Variants in UBB observed in about 807,000 individuals in gnomAD.
UBB encodes ubiquitin B, also known as polyubiquitin-B.
In UBB, 11 loss-of-function variants were observed where a neutral mutation model predicts 12.5. The observed-to-expected ratio is 0.88, with a 90% CI of 0.55 to 1.45. The LOEUF (loss-of-function observed/expected upper bound fraction) is 1.45. Among genes scored for constraint, UBB ranks in the 40% most tolerant of loss-of-function variants. UBB has a pLI of 0.00. For missense variants in UBB, 76 were observed against 286.9 expected (o/e 0.26, Z 5.31); for synonymous variants, 168 against 120.1 (o/e 1.40, Z -2.61).
chr17:16,381,058 G>T (rs1282143245), upstream of UBB: 7 of 153,546 alleles, frequency 4.6e-5, no homozygotes, highest in African/African-American at 1.7e-4. Flanking sequence ...CGCAACACTC[G>T]TTGCATAAAT....
intron 1 of UBB, 153 bp downstream of exon 1, chr17:16,381,337 C>CA: frequency 6.0e-6 from 1 of 167,088 alleles, no homozygotes; most frequent in Admixed American, 5.7e-5. Flanking sequence ...CTTTCCGGGA[C>CA]AGTGGGCCTT....
In UBB at chr17:16,381,314, C is replaced by A. The variant is rs901017663; in HGVS notation, c.-7+130C>A. ...CGTGGGGGAGGGGAGGGCGAGGTGA[C>A]GCGGCGCTGGGCCTTTCCGGGACAG... On this transcript the variant is annotated intron_variant, in intron 1 of 1. Transcript: ENST00000302182. 25 of 158,350 alleles carry A rather than the reference C, an allele frequency of 1.6e-4. 1 individual carries two copies. Among genetic ancestry groups the A allele is most frequent in the Admixed American group, 1.3e-3 (22 of 16,846 alleles). 9.8% of individuals were successfully genotyped at this position (158,350 alleles called of 1,614,324 possible). A position where few individuals can be genotyped will look rare whatever the true frequency, so the allele number is the denominator to read the frequency against.
upstream of UBB, chr17:16,381,084 C>G (rs746987195): frequency 2.6e-5 from 4 of 153,322 alleles, no homozygotes; most frequent in Non-Finnish European, 5.9e-5. Flanking sequence ...CTCCGCCAGC[C>G]CGGAGCATTT....
chr17:16,381,762 A>T, intron 1 of UBB, 140 bp from the exon 2 acceptor site: 1 of 1,159,744 alleles, frequency 8.6e-7, no homozygotes, highest in Non-Finnish European at 1.2e-6. Flanking sequence ...AGCCTTGTAA[A>T]ATTGAGGGGA....
At chr17:16,381,799 G>A (rs1600927097) in intron 1 of UBB, 103 bp from the exon 2 acceptor site, 1 of 1,380,970 alleles carries the variant, frequency 7.2e-7, no homozygotes, top group Non-Finnish European at 9.8e-7. Flanking sequence ...ACGTATTTAA[G>A]GCATTTTGAA....
Position 16,382,018 on chromosome 17 carries a change from C to G in UBB, c.111C>G (p.Pro37=), listed in dbSNP as rs16962981. The G allele has an allele frequency of 5.0e-6, 8 of 1,584,508 alleles. No homozygotes were observed. In the Admixed American group the frequency reaches 5.3e-5, roughly 10 times the overall value. The change falls in exon 2 of 2, where the codon CCC becomes CCG. Residue 37 remains proline, a synonymous_variant. Transcript: ENST00000302182. ...KAKIQDKEGI[P]PDQQRLIFAG... ...AGATCCAGGATAAGGAAGGCATTCC[C>G]CCCGACCAGCAGAGGCTCATCTTTG...
Position 16,382,561 on chromosome 17 carries a change from C to A in UBB, c.654C>A (p.Thr218=). 1 of 1,613,966 alleles carries A rather than the reference C, an allele frequency of 6.2e-7. No individual in the cohort carries two copies. The highest frequency in any genetic ancestry group is 8.5e-7 in the Non-Finnish European group (1 of 1,179,882). The change falls in exon 2 of 2, where the codon ACC becomes ACA. Residue 218 remains threonine (T), a synonymous_variant. Transcript: ENST00000302182. The part of the protein sequence containing the change: ...LSDYNIQKES[T]LHLVLRLRGG... ...ACTACAACATCCAGAAAGAGTCGAC[C>A]CTGCACCTGGTCCTGCGCCTGAGGG...
At position 16,382,387 on chromosome 17, in the gene UBB, G is replaced by A. The variant is rs754394364; in HGVS notation, c.480G>A (p.Leu160=). The A allele has an allele frequency of 9.3e-6, 15 of 1,606,306 alleles. No homozygotes were observed. In the Middle Eastern group the frequency reaches 6.7e-4, roughly 71 times the overall value. Residue 160 remains leucine (L), a synonymous_variant, in exon 2 of 2, where the codon CTG becomes CTA. Coordinates refer to ENST00000302182, the MANE Select transcript of UBB (RefSeq NM_018955.4). ...RGGMQIFVKT[L]TGKTITLEVE... is the part of the protein sequence containing the mutation. ...GTATGCAGATCTTCGTGAAGACCCT[G>A]ACCGGCAAGACCATCACTCTGGAGG...
At position 16,382,273 on chromosome 17, in the gene UBB, A is replaced by T. The variant is rs1374511611; in HGVS notation, c.366A>T (p.Ala122=). Residue 122 remains alanine (A), a synonymous_variant, in exon 2 of 2, where the codon GCA becomes GCT. Transcript: ENST00000302182. Reference sequence around the variant, plus strand: ...CCGACCAGCAGAGGCTCATCTTTGCAGGCAAGCAGCTGGAAGATGGCCGCA... The same window carrying T: ...CCGACCAGCAGAGGCTCATCTTTGCTGGCAAGCAGCTGGAAGATGGCCGCA... ...IPPDQQRLIF[A]GKQLEDGRTL... The T allele has an allele frequency of 6.2e-7, 1 of 1,609,418 alleles. No homozygotes were observed. Among genetic ancestry groups the T allele is most frequent in the African/African-American group, 1.4e-5 (1 of 72,982 alleles).
rs1206884842 is a variant in UBB, at chr17:16,382,481, C to T, written c.574C>T (p.Gln192Ter). The T allele has an allele frequency of 1.9e-6, 3 of 1,613,118 alleles. No homozygotes were observed. The highest frequency in any genetic ancestry group is 2.5e-6 in the Non-Finnish European group (3 of 1,179,798). ...IQDKEGIPPD[Q>*]QRLIFAGKQL... is the part of the protein sequence containing the mutation. Reference sequence around the variant, plus strand: ...AGATAAAGAAGGCATCCCCCCCGACCAGCAGAGGCTCATCTTTGCAGGCAA... The same window carrying T: ...AGATAAAGAAGGCATCCCCCCCGACTAGCAGAGGCTCATCTTTGCAGGCAA... The change falls in exon 2 of 2, where the codon CAG (glutamine) becomes TAG (stop). Residue 192 changes from glutamine to a stop codon, truncating the protein, a stop_gained. Transcript: ENST00000302182. LOFTEE classifies it high-confidence loss of function.
Position 16,381,165 on chromosome 17 carries a change from A to C in UBB, c.-26A>C, listed in dbSNP as rs1487869507. The C allele has an allele frequency of 2.0e-5, 3 of 148,138 alleles. No individual in the cohort carries two copies. The highest frequency in any genetic ancestry group is 6.8e-5 in the Admixed American group (1 of 14,768). The allele number at this position is 148,138 out of a possible 1,614,324, so 9.2% of individuals were successfully genotyped here. A position where few individuals can be genotyped will look rare whatever the true frequency, so the allele number is the denominator to read the frequency against. ...GTGGACGTGGTTGGTGATTGGCAGG[A>C]TCCTGGTATCCGCTAACAGGTACTG... On this transcript the variant is annotated 5_prime_UTR_variant, in exon 1 of 2. Coordinates refer to ENST00000302182, the MANE Select transcript of UBB (RefSeq NM_018955.4).
At chr17:16,381,615 A>T (rs1459116144) in intron 1 of UBB, 1 of 472,256 alleles carries the variant, frequency 2.1e-6, no homozygotes, top group East Asian at 4.1e-5. Flanking sequence ...TTTGAGGCAG[A>T]TTGGAGTTCG....
chr17:16,380,904 A>G (rs537068019), upstream of UBB: 7 of 153,836 alleles, frequency 4.6e-5, no homozygotes, highest in Admixed American at 3.9e-4. Context: ...GGAGAAGGGA[A>G]ATAATTTTTT....
In UBB at chr17:16,382,636, T is replaced by G. The variant is rs770110826; in HGVS notation, c.*39T>G. 6 of 1,610,742 alleles carry G rather than the reference T, an allele frequency of 3.7e-6. No individual in the cohort carries two copies. Among genetic ancestry groups the G allele is most frequent in the Non-Finnish European group, 8.5e-7 (1 of 1,178,334 alleles). On this transcript the variant is annotated 3_prime_UTR_variant, in exon 2 of 2. Transcript: ENST00000302182. ...GCATTCGCAGTGCCCAGTGATGGCA[T>G]TACTCTGCACTATAGCCATTTGCCC...
chr17:16,381,672 G>A (rs989606222), intron 1 of UBB: 2 of 615,390 alleles, frequency 3.2e-6, no homozygotes, highest in Non-Finnish European at 5.5e-6. Context: ...GAAAGCTGTG[G>A]ACGCTTGGTA....
chr17:16,381,120 G>C lies in UBB; in HGVS notation c.-71G>C, dbSNP rs544668972. On this transcript the variant is annotated 5_prime_UTR_variant, in exon 1 of 2. Transcript: ENST00000302182. ...AGGGGCGGTTGGCTTTGTTGGGTGAGCTTGTTTGTGTCCCTGTGGGTGGAC... is the reference window on the plus strand; with the variant it reads ...AGGGGCGGTTGGCTTTGTTGGGTGACCTTGTTTGTGTCCCTGTGGGTGGAC... 6.6e-6 allele frequency: 1 copy of C among 152,422 alleles called. No individual in the cohort carries two copies. The highest frequency in any genetic ancestry group is 6.6e-5 in the Admixed American group (1 of 15,204). The allele number at this position is 152,422 out of a possible 1,614,324, so 9.4% of individuals were successfully genotyped here.
rs1164294456 is a variant in UBB at position 16,381,957 on chromosome 17, T to G, written c.50T>G (p.Val17Gly). 1 of 1,614,098 alleles carries G rather than the reference T, an allele frequency of 6.2e-7. No homozygotes were observed. The highest frequency in any genetic ancestry group is 8.5e-7 in the Non-Finnish European group (1 of 1,180,020). Reference protein sequence around the residue: ...TLTGKTITLEVEPSDTIENVK... With the variant: ...TLTGKTITLEGEPSDTIENVK... ...ACCGGCAAGACCATCACCCTTGAGGTGGAGCCCAGTGACACCATCGAAAAT... is the reference window on the plus strand; with the variant it reads ...ACCGGCAAGACCATCACCCTTGAGGGGGAGCCCAGTGACACCATCGAAAAT... The change falls in exon 2 of 2, where the codon GTG (valine) becomes GGG (glycine). Residue 17 changes from valine to glycine, a missense_variant. Physicochemically the swap from Val to Gly is moderately radical, Grantham distance 109. Coordinates refer to ENST00000302182, the MANE Select transcript of UBB (RefSeq NM_018955.4).
intron 1 of UBB, 33 bp from the exon 2 acceptor site, chr17:16,381,869 A>T: frequency 6.2e-7 from 1 of 1,609,360 alleles, no homozygotes; most frequent in Non-Finnish European, 8.5e-7. Flanking sequence ...AATGATCCTG[A>T]GGTGACACGC....
At chr17:16,381,819 G>T in intron 1 of UBB, 83 bp from the exon 2 acceptor site, 16 of 1,481,966 alleles carry the variant, frequency 1.1e-5, no homozygotes, top group Non-Finnish European at 1.4e-5. Flanking sequence ...AGGAATAGTT[G>T]CTAATTTTGA....
Sources: allele counts gnomAD v4.1 joint callset, GRCh38; gene constraint gnomAD v4.1.1; transcripts MANE v1.5; gene names NCBI Gene and HGNC (gene_info 2026-07-23, HGNC 2026-07-21).